The following HMGA2 variants were observed in gnomAD, a reference collection of about 807,000 sequenced individuals.
HMGA2 encodes high mobility group AT-hook 2, also known as high mobility group protein HMGI-C.
In HMGA2, 8 loss-of-function variants were observed where a neutral mutation model predicts 19.1. The observed-to-expected ratio is 0.42, with a 90% CI of 0.25 to 0.76. The LOEUF is 0.76. Among genes scored for constraint, HMGA2 ranks in the 30% least tolerant of loss-of-function variants. The pLI, the probability that HMGA2 is intolerant of heterozygous loss-of-function variation, is 0.28. For missense variants in HMGA2, 109 were observed against 136.3 expected (o/e 0.80, Z 1.00); for synonymous variants, 60 against 48.8 (o/e 1.23, Z -0.96).
intron 3 of HMGA2, among the ~76,000 whole-genome samples, chr12:65,878,839 T>G (rs1873199776): frequency 6.6e-6 from 1 of 152,190 alleles, no homozygotes; most frequent in South Asian, 2.1e-4. Flanking sequence ...AACACAAGAC[T>G]TATTCATACT....
chr12:65,845,625 A>G (rs1390231766), intron 3 of HMGA2, among the ~76,000 whole-genome samples: 1 of 152,126 alleles, frequency 6.6e-6, no homozygotes, highest in Non-Finnish European at 1.5e-5. Flanking sequence ...TCAATACTTG[A>G]CACAAACATT....
chr12:65,958,480 C>T (rs776776074), intron 4 of HMGA2: 7 of 152,228 alleles, frequency 4.6e-5, no homozygotes, highest in Non-Finnish European at 8.8e-5. Context: ...TAAACAGTCC[C>T]GATAAATTTT....
Position 65,838,998 on chromosome 12 carries a change from C to CTTTTTTTTTTTT in HMGA2, c.249+430_249+441dup. Among the ~76,000 whole-genome samples, 118 of 107,142 alleles carry CTTTTTTTTTTTT rather than the reference C, an allele frequency of 1.1e-3. 4 individuals carry two copies. Among genetic ancestry groups the CTTTTTTTTTTTT allele is most frequent in the African/African-American group, 4.3e-3 (81 of 18,740 alleles). 70.3% of individuals were successfully genotyped at this position (107,142 alleles called of 152,430 possible). ...TTTCTTTTTCTTTCTTTTTCTTTTTCTTTTTTTTTTTTGGTTTTCTCCATG... is the reference window on the plus strand; with the variant it reads ...TTTCTTTTTCTTTCTTTTTCTTTTTCTTTTTTTTTTTTTTTTTTTTTTTTGGTTTTCTCCATG... On this transcript the variant is annotated intron_variant, in intron 3 of 4. Coordinates refer to ENST00000403681, the MANE Select transcript of HMGA2 (RefSeq NM_003483.6).
At chr12:65,917,314 C>T (rs780125054) in intron 3 of HMGA2, among the ~76,000 whole-genome samples, 1 of 152,158 alleles carries the variant, frequency 6.6e-6, no homozygotes, top group Non-Finnish European at 1.5e-5. Flanking sequence ...ATCCCTGGAA[C>T]GGGATTGCCG....
chr12:65,858,289 T>C (rs1383713755), intron 3 of HMGA2: 4 of 152,350 alleles, frequency 2.6e-5, no homozygotes, highest in Non-Finnish European at 5.9e-5. Flanking sequence ...CAGTATTCCA[T>C]ATGTTTTGTG....
intron 3 of HMGA2, among the ~76,000 whole-genome samples, chr12:65,883,427 A>G (rs1873524402): frequency 6.6e-6 from 1 of 152,232 alleles, no homozygotes; most frequent in Admixed American, 6.5e-5. Context: ...AGTACTGTCT[A>G]TATATTACCT....
Position 65,828,022 on chromosome 12 carries a change from C to T in HMGA2, c.133C>T (p.Pro45Ser). ...QQQEPTGEPS[P>S]KRPRGRPKGS... ...TTAGGAACCAACCGGTGAGCCCTCT[C>T]CTAAGAGACCCAGGGGAAGACCCAA... Residue 45 changes from proline to serine, a missense_variant, in exon 2 of 5, where the codon CCT (proline) becomes TCT (serine). Transcript: ENST00000403681. 6.2e-7 allele frequency: 1 copy of T among 1,613,660 alleles called. No homozygotes were observed. Among genetic ancestry groups the T allele is most frequent in the Admixed American group, 1.7e-5 (1 of 60,016 alleles).
chr12:65,950,911 A>G (rs1430885530), intron 3 of HMGA2, among the ~76,000 whole-genome samples: 1 of 152,126 alleles, frequency 6.6e-6, no homozygotes, highest in Non-Finnish European at 1.5e-5. Context: ...TTTCCTTAAT[A>G]TAGAGAGATC....
At chr12:65,895,548 C>T (rs1261394550) in intron 3 of HMGA2, among the ~76,000 whole-genome samples, 1 of 152,142 alleles carries the variant, frequency 6.6e-6, no homozygotes, top group African/African-American at 2.4e-5. Context: ...GTAGACCTGG[C>T]ATTCCTTTTG....
chr12:65,880,272 T>C (rs1327585451), intron 3 of HMGA2, among the ~76,000 whole-genome samples: 1 of 152,242 alleles, frequency 6.6e-6, no homozygotes, highest in African/African-American at 2.4e-5. Flanking sequence ...CCTGTATCAC[T>C]GGCATCTCCT....
intron 3 of HMGA2, chr12:65,842,671 A>T: frequency 6.5e-7 from 1 of 1,531,036 alleles, no homozygotes; most frequent in Non-Finnish European, 8.7e-7. Flanking sequence ...CAGTTTGAAA[A>T]GAAGTATTTC....
At position 65,908,190 on chromosome 12, in the gene HMGA2, T is replaced by A. The variant is rs576000869; in HGVS notation, c.250-43193T>A. Among the ~76,000 whole-genome samples the A allele has an allele frequency of 2.6e-5, 4 of 152,238 alleles. No individual in the cohort carries two copies. The South Asian group carries it at 8.3e-4, about 32-fold the overall frequency. ...TATGGTATTGCATGAAAAGCACACTTTACTTTACTTGTACCTGACTGTCAA... is the reference window on the plus strand; with the variant it reads ...TATGGTATTGCATGAAAAGCACACTATACTTTACTTGTACCTGACTGTCAA... On this transcript the variant is annotated intron_variant, in intron 3 of 4. Transcript: ENST00000403681.
At chr12:65,848,813 G>A (rs867912682) in intron 3 of HMGA2, among the ~76,000 whole-genome samples, 2 of 151,920 alleles carry the variant, frequency 1.3e-5, no homozygotes, top group African/African-American at 4.8e-5. Context: ...CCGAGATTGC[G>A]CCACTGCAGT....
chr12:65,965,090 G>A lies in HMGA2; in HGVS notation c.*1798G>A. On this transcript the variant is annotated 3_prime_UTR_variant, in exon 5 of 5. Transcript: ENST00000403681. The stretch of plus-strand genomic sequence containing the variant: ...TTTGTAAAAGACATTTGATAGAAAG[G>A]AACACGTTTTTACATACTTTTGCAA... 1 of 192,158 alleles carries A rather than the reference G, an allele frequency of 5.2e-6. No homozygotes were observed. Among genetic ancestry groups the A allele is most frequent in the Non-Finnish European group, 1.1e-5 (1 of 91,610 alleles). 11.9% of individuals were successfully genotyped at this position (192,158 alleles called of 1,614,324 possible). A position where few individuals can be genotyped will look rare whatever the true frequency, so the allele number is the denominator to read the frequency against.
chr12:65,943,773 A>G (rs988437349), intron 3 of HMGA2, among the ~76,000 whole-genome samples: 1 of 152,170 alleles, frequency 6.6e-6, no homozygotes, highest in Non-Finnish European at 1.5e-5. Context: ...TTGAATTGTA[A>G]CCACCCATAG....
At chr12:65,916,115 C>G (rs1875091350) in intron 3 of HMGA2, among the ~76,000 whole-genome samples, 1 of 152,174 alleles carries the variant, frequency 6.6e-6, no homozygotes, top group Non-Finnish European at 1.5e-5. Flanking sequence ...GAACAAGTCC[C>G]CCACAGAACA....
At chr12:65,872,482 C>T (rs1872758409) in intron 3 of HMGA2, among the ~76,000 whole-genome samples, 2 of 152,172 alleles carry the variant, frequency 1.3e-5, no homozygotes, top group Admixed American at 1.3e-4. Context: ...TCAGTCACTG[C>T]CTGCATTGAC....
At chr12:65,914,995 T>G (rs2121224881) in intron 3 of HMGA2, 1 of 1,605,788 alleles carries the variant, frequency 6.2e-7, no homozygotes. Flanking sequence ...CTATTAGTGT[T>G]CCATCACTAG....
chr12:65,867,757 G>A (rs921800362), intron 3 of HMGA2: 10 of 227,068 alleles, frequency 4.4e-5, no homozygotes, highest in South Asian at 2.7e-4. Flanking sequence ...CTGAATTAAC[G>A]TATTAACACA....
Sources: allele counts gnomAD v4.1 joint callset (sites outside exome capture counted in the v4.1 genomes callset), GRCh38; gene constraint gnomAD v4.1.1; transcripts MANE v1.5; gene names NCBI Gene and HGNC (gene_info 2026-07-23, HGNC 2026-07-21).